Variants in MS4A14 observed in about 807,000 individuals in gnomAD.
MS4A14 encodes membrane spanning 4-domains A14, also known as membrane-spanning 4-domains subfamily A member 14.
A neutral mutation model predicts 16.7 loss-of-function variants in MS4A14; 18 were observed. The ratio of observed to expected loss-of-function variants is 1.08; its 90% CI spans 0.75 to 1.60. The LOEUF (loss-of-function observed/expected upper bound fraction) is 1.60, where lower values mean the gene tolerates loss of function less well. Ranked by LOEUF, MS4A14 falls within the 40% of genes most tolerant of loss-of-function variation. The probability of loss-of-function intolerance (pLI) is 0.00; values close to 1 mark genes in which losing one functional copy is unlikely to be tolerated. For synonymous variants in MS4A14, 305 were observed against 289.4 expected (o/e 1.05, Z -0.55); for missense variants, 812 against 775.3 (o/e 1.05, Z -0.56).
At chr11:60,414,511 C>T (rs1469092730) in intron 4 of MS4A14, among the ~76,000 whole-genome samples, 3 of 152,020 alleles carry the variant, frequency 2.0e-5, no homozygotes, top group Non-Finnish European at 4.4e-5. Context: ...AGGTGTAATT[C>T]ATGGAGTCAG....
chr11:60,406,010 AT>A, intron 4 of MS4A14: 1 of 1,400,608 alleles, frequency 7.1e-7, no homozygotes, highest in Non-Finnish European at 9.4e-7. Flanking sequence ...GTCTCTTAAT[AT>A]TATTAAGAGA....
intron 1 of MS4A14, among the ~76,000 whole-genome samples, chr11:60,397,374 C>G (rs2135118805): frequency 6.6e-6 from 1 of 152,116 alleles, no homozygotes; most frequent in Middle Eastern, 3.4e-3. Flanking sequence ...TGTCATCAAA[C>G]TTTTTAAATT....
chr11:60,400,375 T>C, intron 2 of MS4A14, 29 bp from the exon 3 acceptor site: 1 of 1,535,554 alleles, frequency 6.5e-7, no homozygotes, highest in East Asian at 2.3e-5. Flanking sequence ...ACATCACCTG[T>C]TAACTTTTGT....
At chr11:60,398,670 G>GAATCAATC (rs199652019) in intron 2 of MS4A14, among the ~76,000 whole-genome samples, 7 of 152,040 alleles carry the variant, frequency 4.6e-5, no homozygotes, top group African/African-American at 1.4e-4. Context: ...ACGAACGAAT[G>GAATCAATC]AATCAATCAA....
intron 3 of MS4A14, among the ~76,000 whole-genome samples, chr11:60,401,329 G>T (rs1293564345): frequency 1.3e-5 from 2 of 152,182 alleles, no homozygotes; most frequent in African/African-American, 4.8e-5. Context: ...CATTCTGAGG[G>T]GAGGGCAGAT....
chr11:60,410,059 A>G (rs1263469788), intron 4 of MS4A14, among the ~76,000 whole-genome samples: 1 of 152,068 alleles, frequency 6.6e-6, no homozygotes, highest in Non-Finnish European at 1.5e-5. Context: ...AGGTCTTGCT[A>G]TGCTGTCAGG....
At position 60,415,640 on chromosome 11, in the gene MS4A14, AG is replaced by A. The variant is rs1197657690; in HGVS notation, c.674del (p.Gly225ValfsTer31). ...SPLVSQPGNK[G>X]REFVPDEQKQ... Reference sequence around the variant, plus strand: ...CTTTAGTCTCCCAACCAGGTAATAAAGGTAGAGAATTTGTGCCAGATGAACA... The same window carrying A: ...CTTTAGTCTCCCAACCAGGTAATAAAGTAGAGAATTTGTGCCAGATGAACA... On this transcript the variant is annotated frameshift_variant, in exon 5 of 5. Coordinates refer to ENST00000300187, the MANE Select transcript of MS4A14 (RefSeq NM_032597.5). LOFTEE classifies it low-confidence loss of function (END_TRUNC). The A allele has an allele frequency of 8.1e-6, 13 of 1,613,806 alleles. No homozygotes were observed. The highest frequency in any genetic ancestry group is 1.1e-5 in the Non-Finnish European group (13 of 1,179,878).
At chr11:60,410,337 T>TA (rs1186909661) in intron 4 of MS4A14, among the ~76,000 whole-genome samples, 1 of 152,242 alleles carries the variant, frequency 6.6e-6, no homozygotes, top group Non-Finnish European at 1.5e-5. Context: ...TAGAGTTCTT[T>TA]ATATATTCTG....
Position 60,396,701 on chromosome 11 carries a change from G to A in MS4A14, c.123G>A (p.Glu41=), listed in dbSNP as rs751829588. Residue 41 remains glutamate (E), a synonymous_variant, in exon 1 of 5, where the codon GAG becomes GAA. Transcript: ENST00000300187. ...CTCTGCTGGATTTTCTGAAGGGAGA[G>A]CCAAGAGTCTTGGGGGTAAGTCCTC... ...HSSLLDFLKG[E]PRVLGATQIL... The A allele has an allele frequency of 1.2e-6, 2 of 1,613,690 alleles. No individual in the cohort carries two copies. The highest frequency in any genetic ancestry group is 1.3e-5 in the African/African-American group (1 of 74,924).
intron 3 of MS4A14, among the ~76,000 whole-genome samples, chr11:60,401,429 A>G (rs2085711606): frequency 1.3e-5 from 2 of 152,168 alleles, no homozygotes. Context: ...TTCCTTCCAG[A>G]GCTGAGAAAT....
Position 60,417,024 on chromosome 11 carries a change from A to T in MS4A14, c.*16A>T. 6.3e-7 allele frequency: 1 copy of T among 1,595,788 alleles called. No individual in the cohort carries two copies. The highest frequency in any genetic ancestry group is 1.1e-5 in the South Asian group (1 of 87,790). On this transcript the variant is annotated 3_prime_UTR_variant, in exon 5 of 5. Transcript: ENST00000300187. ...GACTGGATAACTCAGGGCTGGAGAA[A>T]CAAAGATTATAAAGCACGAGAATGG...
Position 60,417,601 on chromosome 11 carries a change from C to G in MS4A14, c.*593C>G, listed in dbSNP as rs188971082. 156 of 152,244 alleles carry G rather than the reference C, an allele frequency of 1.0e-3. No homozygotes were observed. The highest frequency in any genetic ancestry group is 3.6e-3 in the African/African-American group (149 of 41,540). 9.4% of individuals were successfully genotyped at this position (152,244 alleles called of 1,614,324 possible). On this transcript the variant is annotated 3_prime_UTR_variant, in exon 5 of 5. Coordinates refer to ENST00000300187, the MANE Select transcript of MS4A14 (RefSeq NM_032597.5). ...CAATCTGTGTTCTCAACTGTGGTTGCCACCTCATTAACTTACAAAAAAATG... is the reference window on the plus strand; with the variant it reads ...CAATCTGTGTTCTCAACTGTGGTTGGCACCTCATTAACTTACAAAAAAATG...
intron 3 of MS4A14, among the ~76,000 whole-genome samples, chr11:60,401,181 T>C (rs1450628477): frequency 2.0e-5 from 3 of 152,178 alleles, no homozygotes; most frequent in African/African-American, 7.2e-5. Context: ...AAGATGATGC[T>C]TAAATGTTCA....
At position 60,396,483 on chromosome 11, in the gene MS4A14, C is replaced by T; in HGVS notation, c.-96C>T. 3 of 1,420,198 alleles carry T rather than the reference C, an allele frequency of 2.1e-6. No homozygotes were observed. The highest frequency in any genetic ancestry group is 2.9e-6 in the Non-Finnish European group (3 of 1,043,308). The allele number at this position is 1,420,198 out of a possible 1,614,324, so 88.0% of individuals were successfully genotyped here. On this transcript the variant is annotated 5_prime_UTR_variant, in exon 1 of 5. Transcript: ENST00000300187. Reference sequence around the variant, plus strand: ...TAGAGTCATCACTAAGGGCTCATCTCTGAGGGCTCCATGTGACTCTGGTGG... The same window carrying T: ...TAGAGTCATCACTAAGGGCTCATCTTTGAGGGCTCCATGTGACTCTGGTGG...
chr11:60,412,413 T>G (rs1279599155), intron 4 of MS4A14, among the ~76,000 whole-genome samples: 1 of 151,960 alleles, frequency 6.6e-6, no homozygotes, highest in African/African-American at 2.4e-5. Context: ...TTACTTGTTA[T>G]GGATCTGTAA....
intron 2 of MS4A14, among the ~76,000 whole-genome samples, chr11:60,399,211 G>A (rs1333040954): frequency 2.0e-5 from 3 of 152,182 alleles, no homozygotes; most frequent in African/African-American, 7.2e-5. Flanking sequence ...CTACACTTGT[G>A]CTAAGTGCTC....
Position 60,397,789 on chromosome 11 carries a change from C to T in MS4A14, c.139-63C>T, listed in dbSNP as rs572589073. 1.4e-3 allele frequency: 2,202 copies of T among 1,554,442 alleles called. 3 individuals are homozygous for T. Among genetic ancestry groups the T allele is most frequent in the Middle Eastern group, 2.8e-3 (16 of 5,808 alleles). ...TGCCATGGAGGCACACCCTGAGGGA[C>T]GTGGGGTAGCCCACAGGGTCTTGGA... On this transcript the variant is annotated intron_variant, in intron 1 of 4. Coordinates refer to ENST00000300187, the MANE Select transcript of MS4A14 (RefSeq NM_032597.5).
chr11:60,396,459 A>T lies in MS4A14; in HGVS notation c.-120A>T. 3.8e-6 allele frequency: 4 copies of T among 1,056,226 alleles called. No individual in the cohort carries two copies. The highest frequency in any genetic ancestry group is 2.2e-4 in the Middle Eastern group (1 of 4,612). 65.4% of individuals were successfully genotyped at this position (1,056,226 alleles called of 1,614,324 possible). A position where few individuals can be genotyped will look rare whatever the true frequency, so the allele number is the denominator to read the frequency against. On this transcript the variant is annotated 5_prime_UTR_variant, in exon 1 of 5. Coordinates refer to ENST00000300187, the MANE Select transcript of MS4A14 (RefSeq NM_032597.5). ...TGATTCTGAGATTCTACTACTGAGT[A>T]GAGTCATCACTAAGGGCTCATCTCT...
In MS4A14 at chr11:60,405,812, T is replaced by C. The variant is rs1470737822; in HGVS notation, c.468+2751T>C. On this transcript the variant is annotated intron_variant, in intron 4 of 4. Transcript: ENST00000300187. ...GTTTCCCATACTTGGTGATAGAGTG[T>C]AAGGGGTTCTCAGCTTATATATTTA... The C allele has an allele frequency of 3.7e-6, 4 of 1,072,126 alleles. No individual in the cohort carries two copies. In the African/African-American group the frequency reaches 6.2e-5, roughly 17 times the overall value. The allele number at this position is 1,072,126 out of a possible 1,614,324, so 66.4% of individuals were successfully genotyped here.
Sources: gnomAD v4.1 joint callset for allele counts (sites outside exome capture counted in the v4.1 genomes callset) on GRCh38, gnomAD v4.1.1 for gene constraint, MANE v1.5 for transcripts, NCBI Gene and HGNC (gene_info 2026-07-23, HGNC 2026-07-21) for gene names.